KIFC2: variants seen among roughly 807,000 people sequenced by gnomAD.
The protein encoded by KIFC2 is kinesin family member C2, also known as kinesin-like protein KIFC2.
A neutral mutation model predicts 91.5 loss-of-function variants in KIFC2; 94 were observed. The observed-to-expected ratio is 1.03, with a 90% confidence interval of 0.87 to 1.22. The LOEUF is 1.22. KIFC2 is among the 50% of genes most tolerant of loss of function. KIFC2 has a pLI of 0.00. For missense variants in KIFC2, 1,357 were observed against 1,103.3 expected (o/e 1.23, Z -3.26); for synonymous variants, 729 against 503.9 (o/e 1.45, Z -5.98).
intron 10 of KIFC2, 152 bp downstream of exon 10, chr8:144,468,986 G>T: frequency 1.5e-6 from 1 of 666,070 alleles, no homozygotes. Context: ...TTCCACTTCT[G>T]GGCCTTATTT....
In KIFC2 at chr8:144,468,126, A is replaced by G. The variant is rs1029681339; in HGVS notation, c.810+139A>G. On this transcript the variant is annotated intron_variant, in intron 7 of 17. Coordinates refer to ENST00000645548, the MANE Select transcript of KIFC2 (RefSeq NM_001369769.2). Reference sequence around the variant, plus strand: ...AGCCCCATCAGGGAGGCTGATGCCAATGGGAAGACCCCCCTCTCCGTGGCC... The same window carrying G: ...AGCCCCATCAGGGAGGCTGATGCCAGTGGGAAGACCCCCCTCTCCGTGGCC... 1.3e-4 allele frequency: 153 copies of G among 1,188,158 alleles called. No homozygotes were observed. The African/African-American group carries it at 2.2e-3, about 17-fold the overall frequency. The allele number at this position is 1,188,158 out of a possible 1,614,324, so 73.6% of individuals were successfully genotyped here.
At position 144,474,077 on chromosome 8, in the gene KIFC2, G is replaced by GC; in HGVS notation, c.*690dup. ...GAGGGTTGTGCCCAGCTGGGCCACG[G>GC]CCATGCGTGGGGTGGCCCAATAAAC... is the stretch of plus-strand genomic sequence containing the variant. On this transcript the variant is annotated 3_prime_UTR_variant, in exon 18 of 18. Transcript: ENST00000645548. 1.6e-6 allele frequency: 1 copy of GC among 621,972 alleles called. No homozygotes were observed. Among genetic ancestry groups the GC allele is most frequent in the Non-Finnish European group, 2.8e-6 (1 of 357,564 alleles). 38.5% of individuals were successfully genotyped at this position (621,972 alleles called of 1,614,324 possible).
In KIFC2 at chr8:144,472,848, GCGGC is replaced by G; in HGVS notation, c.1921_1924del (p.Gly641ArgfsTer18). On this transcript the variant is annotated frameshift_variant, in exon 17 of 18. Coordinates refer to ENST00000645548, the MANE Select transcript of KIFC2 (RefSeq NM_001369769.2). LOFTEE classifies it high-confidence loss of function. ...ATCCGAACGCGCACGGAAGGCAGGG[GCGGC>G]CGGCCCGCCGCGGGGAGACCCAGAC... 1 of 1,555,440 alleles carries G rather than the reference GCGGC, an allele frequency of 6.4e-7. No individual in the cohort carries two copies.
chr8:144,470,070 G>GCCCAC (rs1824868108), intron 12 of KIFC2, among the ~76,000 whole-genome samples: 1 of 152,244 alleles, frequency 6.6e-6, no homozygotes, highest in Non-Finnish European at 1.5e-5. Context: ...TTCAGCCCCA[G>GCCCAC]CCCACCCCAC....
rs755482942 is a variant in KIFC2, at chr8:144,467,066, C to G, written c.286C>G (p.Leu96Val). 3.1e-6 allele frequency: 5 copies of G among 1,596,128 alleles called. No homozygotes were observed. The highest frequency in any genetic ancestry group is 4.3e-6 in the Non-Finnish European group (5 of 1,171,858). The change falls in exon 3 of 18, where the codon CTG becomes GTG. Residue 96 changes from leucine (L) to valine (V), a missense_variant. Leu to Val is a conservative substitution (Grantham distance 32). Transcript: ENST00000645548. The stretch of plus-strand genomic sequence containing the variant: ...CCTCGCCGAGTTCCTCTCCGTCCAG[C>G]TGGGGGCGGAAGAGAGCTGCGGGGG... ...LRLAEFLSVQ[L>V]GAEESCGGPA...
In KIFC2 at chr8:144,468,628, G is replaced by A. The variant is rs554036997; in HGVS notation, c.981G>A (p.Gln327=). 4.0e-4 allele frequency: 645 copies of A among 1,613,540 alleles called. 7 individuals carry two copies. In the South Asian group the frequency reaches 6.8e-3, roughly 17 times the overall value. The change falls in exon 9 of 18, where the codon CAG becomes CAA. Residue 327 remains glutamine, a synonymous_variant. Coordinates refer to ENST00000645548, the MANE Select transcript of KIFC2 (RefSeq NM_001369769.2). ...ETEQNCRREL[Q]QMHGQLAGLR... is the part of the protein sequence containing the mutation. Reference sequence around the variant, plus strand: ...AGCAGAACTGCAGGCGTGAGCTACAGCAGATGCATGGGCAGCTGGCAGGTA... The same window carrying A: ...AGCAGAACTGCAGGCGTGAGCTACAACAGATGCATGGGCAGCTGGCAGGTA...
chr8:144,466,796 C>T lies in KIFC2; in HGVS notation c.136C>T (p.Leu46=). Residue 46 remains leucine (L), a synonymous_variant, in exon 2 of 18, where the codon CTG becomes TTG. Coordinates refer to ENST00000645548, the MANE Select transcript of KIFC2 (RefSeq NM_001369769.2). ...RKPRGRRRPD[L]PAPELWTELT... is the part of the protein sequence containing the mutation. Reference sequence around the variant, plus strand: ...GCCCCGGGGTCGCCGGCGCCCAGACCTGCCCGCGCCAGAGCTGTGGACCGA... The same window carrying T: ...GCCCCGGGGTCGCCGGCGCCCAGACTTGCCCGCGCCAGAGCTGTGGACCGA... The T allele has an allele frequency of 1.3e-6, 2 of 1,535,968 alleles. No individual in the cohort carries two copies. The highest frequency in any genetic ancestry group is 8.7e-7 in the Non-Finnish European group (1 of 1,148,306).
Position 144,466,404 on chromosome 8 carries a change from G to A in KIFC2, c.-16G>A. On this transcript the variant is annotated 5_prime_UTR_variant, in exon 1 of 18. Transcript: ENST00000645548. The stretch of plus-strand genomic sequence containing the variant: ...GGGGCGGCGCGAAGCGGGGCCCTCT[G>A]CCGCCCCGCGCTCCCATGTACGCCT... 1 of 1,210,284 alleles carries A rather than the reference G, an allele frequency of 8.3e-7. No individual in the cohort carries two copies. Among genetic ancestry groups the A allele is most frequent in the Admixed American group, 3.1e-5 (1 of 31,848 alleles). The allele number at this position is 1,210,284 out of a possible 1,614,324, so 75.0% of individuals were successfully genotyped here. A position where few individuals can be genotyped will look rare whatever the true frequency, so the allele number is the denominator to read the frequency against.
intron 12 of KIFC2, among the ~76,000 whole-genome samples, chr8:144,471,654 C>T (rs186074095): frequency 2.6e-5 from 4 of 152,280 alleles, no homozygotes; most frequent in Admixed American, 1.3e-4. Context: ...ACTGCTGTCC[C>T]CAGGTCTCCT....
chr8:144,469,220 C>A, intron 10 of KIFC2, 51 bp from the exon 11 acceptor site: 2 of 1,444,996 alleles, frequency 1.4e-6, no homozygotes, highest in East Asian at 2.4e-5. Flanking sequence ...CCCCCCACCT[C>A]CGCAGCTCCT....
rs373907459 is a variant in KIFC2, at chr8:144,469,363, G to A, written c.1206G>A (p.Arg402=). The change falls in exon 11 of 18, where the codon CGG becomes CGA. Residue 402 remains arginine, a synonymous_variant. Coordinates refer to ENST00000645548, the MANE Select transcript of KIFC2 (RefSeq NM_001369769.2). ...QQGPPAGCPG[R]LPELKGNIRV... ...GGCCCCCAGCCGGATGCCCAGGGCGGCTGCCAGAACTCAAGGGTATGACAG... is the reference window on the plus strand; with the variant it reads ...GGCCCCCAGCCGGATGCCCAGGGCGACTGCCAGAACTCAAGGGTATGACAG... The A allele has an allele frequency of 3.1e-6, 5 of 1,610,268 alleles. No homozygotes were observed. The African/African-American group carries it at 5.3e-5, about 17-fold the overall frequency.
intron 7 of KIFC2, 153 bp from the exon 8 acceptor site, chr8:144,468,176 A>G: frequency 9.8e-7 from 1 of 1,020,558 alleles, no homozygotes; most frequent in Non-Finnish European, 1.4e-6. Context: ...ACCCCAGGAG[A>G]GCAGAGGGAC....
Position 144,468,394 on chromosome 8 carries a change from C to A in KIFC2, c.876C>A (p.Ala292=), listed in dbSNP as rs545644703. Residue 292 remains alanine, a synonymous_variant, in exon 8 of 18, where the codon GCC becomes GCA. Coordinates refer to ENST00000645548, the MANE Select transcript of KIFC2 (RefSeq NM_001369769.2). The part of the protein sequence containing the change: ...RLQEAQDTTE[A]LRAQLGVQEV... ...AGGAGGCCCAAGACACCACAGAAGC[C>A]CTCCGAGCCCAGGTGGGCATGGGGC... The A allele has an allele frequency of 3.1e-6, 5 of 1,612,782 alleles. No individual in the cohort carries two copies. Among genetic ancestry groups the A allele is most frequent in the Non-Finnish European group, 3.4e-6 (4 of 1,179,862 alleles).
Position 144,467,798 on chromosome 8 carries a change from C to T in KIFC2, c.681+19C>T. ...GGGCGTGGTGAGGCTGCAGGGAGAC[C>T]TGGCAGGGCCGGGCATGGAGGGGGT... On this transcript the variant is annotated intron_variant, in intron 6 of 17. Transcript: ENST00000645548. 1.9e-6 allele frequency: 3 copies of T among 1,613,560 alleles called. No homozygotes were observed. The highest frequency in any genetic ancestry group is 2.5e-6 in the Non-Finnish European group (3 of 1,179,940).
chr8:144,467,009 G>T lies in KIFC2; in HGVS notation c.229G>T (p.Ala77Ser). 6.3e-7 allele frequency: 1 copy of T among 1,596,178 alleles called. No individual in the cohort carries two copies. Among genetic ancestry groups the T allele is most frequent in the Non-Finnish European group, 8.5e-7 (1 of 1,175,108 alleles). The part of the protein sequence containing the change: ...GSEGAAEGRA[A>S]AVSLEEALLR... ...GGAAGGCGCAGCCGAGGGCCGCGCG[G>T]CCGCGGTGTCCCTGGAAGAGGCCCT... Residue 77 changes from alanine to serine, a missense_variant, in exon 3 of 18, where the codon GCC (alanine) becomes TCC (serine). Ala to Ser is a moderately conservative substitution (Grantham distance 99). Transcript: ENST00000645548.
chr8:144,473,172 C>CCA lies in KIFC2; in HGVS notation c.2160_2161insAC (p.Leu721ThrfsTer93), dbSNP rs1564750665. ...GAGGATCTCGGGGAGACAGTCTGCT[C>CCA]CCTCAAGTTCGCCGACCGAGTGGGT... On this transcript the variant is annotated frameshift_variant, in exon 18 of 18. Transcript: ENST00000645548. LOFTEE classifies it low-confidence loss of function (END_TRUNC). 1 of 1,577,838 alleles carries CCA rather than the reference C, an allele frequency of 6.3e-7. No individual in the cohort carries two copies.
In KIFC2 at chr8:144,467,496, C is replaced by T. The variant is rs764407711; in HGVS notation, c.481C>T (p.Gln161Ter). ...RPPSPDGSTS[Q>*]EESPSHFTAV... ...CCACCCTACTCCAGGATCCACATCC[C>T]AAGAAGAAAGCCCTTCCCACTTCAC... The change falls in exon 5 of 18, where the codon CAA becomes TAA. Residue 161 changes from glutamine (Q) to a stop codon, truncating the protein, a stop_gained. Coordinates refer to ENST00000645548, the MANE Select transcript of KIFC2 (RefSeq NM_001369769.2). LOFTEE classifies it high-confidence loss of function. 2 of 1,572,818 alleles carry T rather than the reference C, an allele frequency of 1.3e-6. No individual in the cohort carries two copies. Among genetic ancestry groups the T allele is most frequent in the African/African-American group, 1.4e-5 (1 of 73,254 alleles).
intron 3 of KIFC2, 32 bp from the exon 4 acceptor site, chr8:144,467,171 C>G (rs760666284): frequency 5.6e-6 from 9 of 1,613,150 alleles, no homozygotes; most frequent in Non-Finnish European, 7.6e-6. Context: ...CTGGCTTTCA[C>G]AGCCCTGCTC....
chr8:144,469,022 G>A (rs978566888), intron 10 of KIFC2, among the ~76,000 whole-genome samples, 188 bp downstream of exon 10: 1 of 152,214 alleles, frequency 6.6e-6, no homozygotes, highest in South Asian at 2.1e-4. Flanking sequence ...TTGGTTGACA[G>A]TAAACTCTTA....
Sources: gnomAD v4.1 joint callset for allele counts (sites outside exome capture counted in the v4.1 genomes callset) on GRCh38, gnomAD v4.1.1 for gene constraint, MANE v1.5 for transcripts, NCBI Gene and HGNC (gene_info 2026-07-23, HGNC 2026-07-21) for gene names.